CACNA1D: variants seen among roughly 807,000 people sequenced by gnomAD.
CACNA1D encodes voltage-dependent L-type calcium channel subunit alpha-1D.
CACNA1D carries 55 observed loss-of-function variants against 257.1 expected under a neutral mutation model. The observed-to-expected ratio is 0.21, with a 90% CI of 0.17 to 0.27. CACNA1D has a LOEUF of 0.27. Among genes scored for constraint, CACNA1D ranks in the 10% least tolerant of loss-of-function variants. The pLI is 1.00. For missense variants in CACNA1D, 1,876 were observed against 2,784.0 expected, an observed-to-expected ratio of 0.67 and a Z score of 7.34; for synonymous variants, 980 against 1,014.9, an observed-to-expected ratio of 0.97 and a Z score of 0.65.
intron 37 of CACNA1D, among the ~76,000 whole-genome samples, chr3:53,779,486 T>C (rs2095415121): frequency 6.6e-6 from 1 of 152,032 alleles, no homozygotes; most frequent in Admixed American, 6.6e-5. Flanking sequence ...TCATGGGGAA[T>C]TGGCTCACGT....
At chr3:53,764,674 G>C (rs371429694) in intron 30 of CACNA1D, among the ~76,000 whole-genome samples, 1 of 152,306 alleles carries the variant, frequency 6.6e-6, no homozygotes, top group Admixed American at 6.5e-5. Flanking sequence ...TGCTCCTCCC[G>C]CTGCCCCTGT....
At chr3:53,652,363 G>C (rs2094106424) in intron 4 of CACNA1D, among the ~76,000 whole-genome samples, 1 of 152,170 alleles carries the variant, frequency 6.6e-6, no homozygotes, top group Non-Finnish European at 1.5e-5. Flanking sequence ...TTGAGTTAAG[G>C]AGACAGACAA....
At chr3:53,549,592 C>T (rs1381297163) in intron 3 of CACNA1D, among the ~76,000 whole-genome samples, 1 of 152,186 alleles carries the variant, frequency 6.6e-6, no homozygotes, top group East Asian at 1.9e-4. Context: ...TTCAGAGACA[C>T]AGTCTTTAGG....
chr3:53,699,869 A>G (rs990965145), intron 8 of CACNA1D, among the ~76,000 whole-genome samples: 18 of 152,040 alleles, frequency 1.2e-4, no homozygotes, highest in African/African-American at 4.3e-4. Flanking sequence ...AGTTTTACTT[A>G]TGCCTGCTTA....
intron 9 of CACNA1D, among the ~76,000 whole-genome samples, chr3:53,711,733 T>G (rs907683594): frequency 6.6e-6 from 1 of 152,220 alleles, no homozygotes; most frequent in Non-Finnish European, 1.5e-5. Context: ...CGTGGATATC[T>G]GAAGAGGGTT....
intron 5 of CACNA1D, among the ~76,000 whole-genome samples, chr3:53,665,087 T>C (rs1402410381): frequency 6.6e-6 from 1 of 152,234 alleles, no homozygotes; most frequent in Non-Finnish European, 1.5e-5. Context: ...CATCCTGCAT[T>C]CATGATAAAC....
chr3:53,577,821 G>T (rs1192580394), intron 3 of CACNA1D, among the ~76,000 whole-genome samples: 1 of 152,130 alleles, frequency 6.6e-6, no homozygotes, highest in Admixed American at 6.5e-5. Context: ...TCCCTTTACT[G>T]CTTAAGGAAT....
intron 39 of CACNA1D, among the ~76,000 whole-genome samples, chr3:53,784,554 C>A (rs1277626883): frequency 1.3e-5 from 2 of 152,200 alleles, no homozygotes; most frequent in East Asian, 1.9e-4. Context: ...GGGTCTGCCT[C>A]TACTCTGGAG....
chr3:53,710,434 A>G (rs2094740204), intron 9 of CACNA1D: 1 of 456,732 alleles, frequency 2.2e-6, no homozygotes, highest in Non-Finnish European at 4.4e-6. Context: ...GATAAGAAGA[A>G]AAAGAAGTTT....
At chr3:53,672,153 C>G (rs192732938) in intron 7 of CACNA1D, among the ~76,000 whole-genome samples, 142 of 152,280 alleles carry the variant, frequency 9.3e-4, no homozygotes, top group African/African-American at 3.3e-3. Context: ...TGAGCTTGTC[C>G]GGGAATAGGG....
intron 3 of CACNA1D, among the ~76,000 whole-genome samples, chr3:53,613,324 A>G (rs1325996617): frequency 6.6e-6 from 1 of 152,108 alleles, no homozygotes; most frequent in Non-Finnish European, 1.5e-5. Context: ...ATAATGCCTC[A>G]GTTTGTTATC....
chr3:53,508,717 A>C (rs2090971605), intron 3 of CACNA1D, among the ~76,000 whole-genome samples: 1 of 152,100 alleles, frequency 6.6e-6, no homozygotes, highest in African/African-American at 2.4e-5. Flanking sequence ...CTGTCTGACA[A>C]ATGTGAAAAG....
intron 3 of CACNA1D, among the ~76,000 whole-genome samples, chr3:53,580,801 A>G (rs750261737): frequency 1.3e-5 from 2 of 152,220 alleles, no homozygotes; most frequent in African/African-American, 2.4e-5. Flanking sequence ...TAAAGTAGCC[A>G]TGTATGTCTT....
In CACNA1D at chr3:53,756,110, G is replaced by A. The variant is rs115609499; in HGVS notation, c.3786+2428G>A. 4.9e-3 allele frequency among the ~76,000 whole-genome samples: 753 copies of A among 152,316 alleles called. 9 individuals carry two copies. The highest frequency in any genetic ancestry group is 0.018 in the African/African-American group (728 of 41,562). ...TCAGTATCTCTGTTAGGGGACACAG[G>A]CTGGCAGAGTTTCAGTTGCTTCATA... On this transcript the variant is annotated intron_variant, in intron 29 of 47. Coordinates refer to ENST00000350061, the MANE Select transcript of CACNA1D (RefSeq NM_001128840.3).
chr3:53,762,233 A>G (rs1469583484), intron 30 of CACNA1D, 152 bp downstream of exon 30: 1 of 707,616 alleles, frequency 1.4e-6, no homozygotes, highest in Non-Finnish European at 2.6e-6. Context: ...AGCTGTAGGC[A>G]AGACGTGTTT....
At chr3:53,806,277 C>T (rs2095565872) in intron 45 of CACNA1D, among the ~76,000 whole-genome samples, 1 of 148,492 alleles carries the variant, frequency 6.7e-6, no homozygotes, top group African/African-American at 2.5e-5. Flanking sequence ...TCTCCCTCAT[C>T]TTCCTGTCAA....
intron 3 of CACNA1D, among the ~76,000 whole-genome samples, chr3:53,505,373 T>G (rs2090796249): frequency 6.6e-6 from 1 of 152,062 alleles, no homozygotes; most frequent in Non-Finnish European, 1.5e-5. Flanking sequence ...CCTCCCAAAG[T>G]GCTGGAATTA....
chr3:53,698,298 G>A (rs1265610375), intron 8 of CACNA1D, among the ~76,000 whole-genome samples: 1 of 152,138 alleles, frequency 6.6e-6, no homozygotes, highest in East Asian at 1.9e-4. Context: ...ATTAGCACAT[G>A]TACTCACTGG....
intron 3 of CACNA1D, among the ~76,000 whole-genome samples, chr3:53,538,140 A>ATTTTT (rs1559808168): frequency 9.2e-6 from 1 of 108,990 alleles, no homozygotes; most frequent in African/African-American, 5.2e-5. Context: ...CAGTTTTTGA[A>ATTTTT]GTTTTTTTTT....
Sources: allele counts gnomAD v4.1 joint callset (sites outside exome capture counted in the v4.1 genomes callset), GRCh38; gene constraint gnomAD v4.1.1; transcripts MANE v1.5; gene names NCBI Gene and HGNC (gene_info 2026-07-23, HGNC 2026-07-21).